MAPK4: variants seen among roughly 807,000 people sequenced by gnomAD.
MAPK4 encodes mitogen-activated protein kinase 4.
Under a neutral mutation model 47.7 loss-of-function variants are expected in MAPK4, and 22 were observed. That is an observed-to-expected ratio of 0.46 (90% CI 0.33 to 0.66). MAPK4 has a LOEUF of 0.66. MAPK4 is among the 30% of genes least tolerant of loss of function. The probability of loss-of-function intolerance (pLI) is 0.02; values close to 1 mark genes in which losing one functional copy is unlikely to be tolerated. For missense variants in MAPK4, 736 were observed against 831.7 expected (o/e 0.88, Z 1.42); for synonymous variants, 390 against 365.7 (o/e 1.07, Z -0.76).
At chr18:50,629,335 G>C (rs977532065) in intron 1 of MAPK4, 1 of 152,222 alleles carries the variant, frequency 6.6e-6, no homozygotes, top group Non-Finnish European at 1.5e-5. Context: ...ACAACAGTGT[G>C]ATTAAGTTAC....
chr18:50,626,085 A>G (rs2042775550), intron 1 of MAPK4, among the ~76,000 whole-genome samples: 1 of 152,182 alleles, frequency 6.6e-6, no homozygotes, highest in South Asian at 2.1e-4. Context: ...CTTCTCACTC[A>G]GGGGAAGTCC....
At chr18:50,656,433 G>GA (rs1247131674) in intron 1 of MAPK4, among the ~76,000 whole-genome samples, 10 of 152,346 alleles carry the variant, frequency 6.6e-5, no homozygotes, top group African/African-American at 2.4e-4. Flanking sequence ...GCTGCCTCAA[G>GA]AAGGAGCAGC....
intron 1 of MAPK4, among the ~76,000 whole-genome samples, chr18:50,583,373 A>G (rs539848434): frequency 5.9e-4 from 90 of 152,308 alleles, no homozygotes; most frequent in Admixed American, 1.4e-3. Context: ...GGATTGCCTG[A>G]GCTCAGGAGT....
Position 50,664,212 on chromosome 18 carries a change from G to A in MAPK4, c.254G>A (p.Gly85Asp), listed in dbSNP as rs1479229970. 6.2e-7 allele frequency: 1 copy of A among 1,614,102 alleles called. No individual in the cohort carries two copies. Among genetic ancestry groups the A allele is most frequent in the South Asian group, 1.1e-5 (1 of 91,076 alleles). ...ATCGTCAAAGTGTACGAGGTGCTCG[G>A]TCCCAAGGGCACTGACCTGCAGGGT... is the stretch of plus-strand genomic sequence containing the variant. Reference protein sequence around the residue: ...DNIVKVYEVLGPKGTDLQGEL... With the variant: ...DNIVKVYEVLDPKGTDLQGEL... Residue 85 changes from glycine to aspartate, a missense_variant, in exon 2 of 6, where the codon GGT becomes GAT. Coordinates refer to ENST00000400384, the MANE Select transcript of MAPK4 (RefSeq NM_002747.4). This position sits in a 1 kb window ranked among gnomAD's most constrained non-coding sequence, Gnocchi z 6.0.
intron 2 of MAPK4, among the ~76,000 whole-genome samples, chr18:50,670,900 G>T (rs1188568059): frequency 6.6e-6 from 1 of 152,184 alleles, no homozygotes; most frequent in African/African-American, 2.4e-5. Flanking sequence ...GTGAGGCCCA[G>T]CAATCTGTGT....
intron 1 of MAPK4, among the ~76,000 whole-genome samples, chr18:50,568,163 T>A (rs2149357127): frequency 6.8e-6 from 1 of 146,218 alleles, no homozygotes; most frequent in South Asian, 2.2e-4. Context: ...GCCACTGCAC[T>A]CCAGCCTGGG....
chr18:50,717,492 G>A (rs1910704214), intron 3 of MAPK4, among the ~76,000 whole-genome samples: 1 of 152,170 alleles, frequency 6.6e-6, no homozygotes, highest in Non-Finnish European at 1.5e-5. Flanking sequence ...AAGGGAGGGG[G>A]AGAGTGAGGG....
intron 2 of MAPK4, among the ~76,000 whole-genome samples, chr18:50,709,036 C>T (rs1910211583): frequency 6.6e-6 from 1 of 152,164 alleles, no homozygotes; most frequent in African/African-American, 2.4e-5. Context: ...TCGGCTGTCC[C>T]CAGAGCCTCA....
chr18:50,728,655 C>G (rs1481947867), intron 5 of MAPK4, among the ~76,000 whole-genome samples: 1 of 152,218 alleles, frequency 6.6e-6, no homozygotes, highest in African/African-American at 2.4e-5. Context: ...CTCACTGGAG[C>G]CTTGCTCCTC....
At chr18:50,593,600 G>T (rs2042456818) in intron 1 of MAPK4, among the ~76,000 whole-genome samples, 1 of 152,132 alleles carries the variant, frequency 6.6e-6, no homozygotes, top group Admixed American at 6.5e-5. Flanking sequence ...GCTCCATAAA[G>T]GGGAATTATT....
intron 3 of MAPK4, among the ~76,000 whole-genome samples, chr18:50,717,017 C>T (rs1267660514): frequency 6.6e-6 from 1 of 152,194 alleles, no homozygotes; most frequent in Non-Finnish European, 1.5e-5. Context: ...TCCCATCATC[C>T]CCCACACTGA....
chr18:50,635,763 C>T (rs1417202390), intron 1 of MAPK4, among the ~76,000 whole-genome samples: 1 of 152,174 alleles, frequency 6.6e-6, no homozygotes, highest in Non-Finnish European at 1.5e-5. Flanking sequence ...CACAGGCCCC[C>T]ATGGTCTGGT....
At position 50,599,141 on chromosome 18, in the gene MAPK4, A is replaced by G. The variant is rs559410455; in HGVS notation, c.-871+38898A>G. Among the ~76,000 whole-genome samples the G allele has an allele frequency of 2.6e-5, 4 of 152,270 alleles. No individual in the cohort carries two copies. The South Asian group carries it at 8.3e-4, about 32-fold the overall frequency. ...TGTTATTTAGATTAATATGATTTGA[A>G]CAGAATTAATATTTAGCCTCTCCAT... On this transcript the variant is annotated intron_variant, in intron 1 of 5. Coordinates refer to ENST00000400384, the MANE Select transcript of MAPK4 (RefSeq NM_002747.4).
chr18:50,653,443 T>C (rs1037488542), intron 1 of MAPK4, among the ~76,000 whole-genome samples: 2 of 152,160 alleles, frequency 1.3e-5, no homozygotes, highest in African/African-American at 2.4e-5. Context: ...GGTAAATCCT[T>C]CTCCAAGAAA....
chr18:50,696,181 C>G (rs939163797), intron 2 of MAPK4, among the ~76,000 whole-genome samples: 1 of 151,944 alleles, frequency 6.6e-6, no homozygotes, highest in African/African-American at 2.4e-5. Context: ...AGAGTCAGGG[C>G]ACCAGCGGAG....
intron 1 of MAPK4, among the ~76,000 whole-genome samples, chr18:50,593,766 A>G (rs887257510): frequency 4.6e-5 from 7 of 152,232 alleles, no homozygotes; most frequent in Admixed American, 1.3e-4. Context: ...CAAAATAGCA[A>G]AACAATATTG....
intron 2 of MAPK4, among the ~76,000 whole-genome samples, chr18:50,673,970 G>A (rs1440316848): frequency 6.6e-6 from 1 of 152,104 alleles, no homozygotes; most frequent in Non-Finnish European, 1.5e-5. Flanking sequence ...TCATAGGATT[G>A]TTCCCCTGTA....
At chr18:50,615,036 C>G (rs77564616) in intron 1 of MAPK4, among the ~76,000 whole-genome samples, 2,648 of 152,248 alleles carry the variant, frequency 0.017, 75 homozygotes, top group African/African-American at 0.059. Context: ...ACACAGTAGC[C>G]TTTTGTTTTG....
chr18:50,670,785 G>T (rs906860969), intron 2 of MAPK4, among the ~76,000 whole-genome samples: 1 of 150,620 alleles, frequency 6.6e-6, no homozygotes, highest in African/African-American at 2.4e-5. Flanking sequence ...ATCAACTAGT[G>T]TAGTGGTTCT....
Sources: gnomAD v4.1 joint callset for allele counts (sites outside exome capture counted in the v4.1 genomes callset) on GRCh38, gnomAD v4.1.1 for gene constraint, Gnocchi (gnomAD v3.1) non-coding constraint, MANE v1.5 for transcripts, NCBI Gene and HGNC (gene_info 2026-07-23, HGNC 2026-07-21) for gene names.